Variants in NCAM2 observed in about 807,000 individuals in gnomAD.
The protein encoded by NCAM2 is neural cell adhesion molecule 2.
Under a neutral mutation model 98.1 loss-of-function variants are expected in NCAM2, and 30 were observed. The ratio of observed to expected loss-of-function variants is 0.31; its 90% CI spans 0.23 to 0.41. The LOEUF (loss-of-function observed/expected upper bound fraction) is 0.41. NCAM2 is among the 10% of genes least tolerant of loss of function. The pLI, the probability that NCAM2 is intolerant of heterozygous loss-of-function variation, is 1.00. For synonymous variants in NCAM2, 368 were observed against 342.4 expected, an observed-to-expected ratio of 1.07 and a Z score of -0.83; for missense variants, 867 against 1,005.8, an observed-to-expected ratio of 0.86 and a Z score of 1.87.
chr21:21,070,152 G>T (rs901759291), intron 1 of NCAM2, among the ~76,000 whole-genome samples: 1 of 151,876 alleles, frequency 6.6e-6, no homozygotes, highest in Non-Finnish European at 1.5e-5. Context: ...AACTTATAAA[G>T]ATCAAGCTCC....
chr21:21,321,756 A>G (rs1207522076), intron 5 of NCAM2, among the ~76,000 whole-genome samples: 1 of 152,192 alleles, frequency 6.6e-6, no homozygotes, highest in Non-Finnish European at 1.5e-5. Context: ...AATCAAAACC[A>G]CAATGAGATA....
intron 8 of NCAM2, among the ~76,000 whole-genome samples, chr21:21,353,180 T>G (rs983860823): frequency 6.6e-6 from 1 of 152,206 alleles, no homozygotes; most frequent in Non-Finnish European, 1.5e-5. Context: ...AATGAATATG[T>G]TAACTCCGTT....
Position 21,445,398 on chromosome 21 carries a change from C to G in NCAM2, c.1654+13117C>G, listed in dbSNP as rs1291564964. ...AGTCCTGAATATCCTTGTTGATTTT[C>G]TGTCTTGTTGATTTGTCTAATATTG... On this transcript the variant is annotated intron_variant, in intron 12 of 17. Transcript: ENST00000400546. Among the ~76,000 whole-genome samples, 3 of 152,216 alleles carry G rather than the reference C, an allele frequency of 2.0e-5. No individual in the cohort carries two copies. The East Asian group carries it at 5.8e-4, about 29-fold the overall frequency.
intron 12 of NCAM2, among the ~76,000 whole-genome samples, chr21:21,465,088 A>G (rs545682379): frequency 7.2e-4 from 110 of 152,242 alleles, no homozygotes; most frequent in Non-Finnish European, 1.1e-3. Flanking sequence ...TGCCATTTGG[A>G]AATTTAATTT....
At chr21:21,317,639 C>T (rs558167363) in intron 5 of NCAM2, among the ~76,000 whole-genome samples, 1 of 152,134 alleles carries the variant, frequency 6.6e-6, no homozygotes, top group Admixed American at 6.5e-5. Context: ...CTCAAGCTAT[C>T]CTCCCATCTC....
chr21:21,090,570 T>C (rs1312635270), intron 1 of NCAM2, among the ~76,000 whole-genome samples: 1 of 152,202 alleles, frequency 6.6e-6, no homozygotes, highest in Non-Finnish European at 1.5e-5. Context: ...GCTGCCTGCC[T>C]TCACCACTCT....
At chr21:21,527,960 A>C (rs12626364) in intron 16 of NCAM2, among the ~76,000 whole-genome samples, 15,057 of 152,276 alleles carry the variant, frequency 0.099, 882 homozygotes, top group East Asian at 0.16. Context: ...ATCCTTCAGT[A>C]GGTAAATGAA....
At chr21:21,468,394 A>G (rs1217748857) in intron 13 of NCAM2, among the ~76,000 whole-genome samples, 1 of 152,008 alleles carries the variant, frequency 6.6e-6, no homozygotes, top group East Asian at 1.9e-4. Context: ...GCAATGCTAT[A>G]CTTTTCTCAG....
intron 12 of NCAM2, among the ~76,000 whole-genome samples, chr21:21,434,662 T>C (rs2077429563): frequency 6.6e-6 from 1 of 152,214 alleles, no homozygotes; most frequent in Non-Finnish European, 1.5e-5. Context: ...TATATTATCA[T>C]CTTCCAGTAT....
intron 1 of NCAM2, among the ~76,000 whole-genome samples, chr21:21,076,116 CAA>C (rs565676221): frequency 0.042 from 5,049 of 121,358 alleles, 266 homozygotes; most frequent in African/African-American, 0.13. Context: ...GACCCCATCT[CAA>C]AAAAAAAAAA....
At chr21:21,410,252 A>AT in intron 9 of NCAM2, 22 bp from the exon 10 acceptor site, 3 of 1,276,384 alleles carry the variant, frequency 2.4e-6, no homozygotes, top group Non-Finnish European at 3.1e-6. Flanking sequence ...GCCTATAATT[A>AT]TTTTATTATA....
intron 1 of NCAM2, among the ~76,000 whole-genome samples, chr21:21,035,844 AGACTT>A (rs2064786530): frequency 6.6e-6 from 1 of 152,196 alleles, no homozygotes; most frequent in African/African-American, 2.4e-5. Context: ...ACCTTGGACA[AGACTT>A]AAAATAACCA....
chr21:21,362,512 C>T (rs1318946496), intron 8 of NCAM2, among the ~76,000 whole-genome samples: 1 of 151,994 alleles, frequency 6.6e-6, no homozygotes. Context: ...CCCACCTCAG[C>T]CTTCTGGGTA....
intron 16 of NCAM2, among the ~76,000 whole-genome samples, chr21:21,528,886 A>G (rs1039644244): frequency 1.3e-5 from 2 of 152,148 alleles, no homozygotes; most frequent in Admixed American, 1.3e-4. Flanking sequence ...AATCTAAAAG[A>G]AATATAATTA....
chr21:21,020,289 G>A (rs2064405144), intron 1 of NCAM2, among the ~76,000 whole-genome samples: 1 of 152,088 alleles, frequency 6.6e-6, no homozygotes, highest in Admixed American at 6.6e-5. Flanking sequence ...GCCCGCCTCG[G>A]CCTCCCAAAG....
chr21:21,329,820 T>A (rs543030932), intron 6 of NCAM2, among the ~76,000 whole-genome samples: 1 of 152,254 alleles, frequency 6.6e-6, no homozygotes, highest in African/African-American at 2.4e-5. Flanking sequence ...TAAGTACAAA[T>A]TCAATAATAT....
At chr21:21,235,014 C>G (rs2408006) in intron 1 of NCAM2, among the ~76,000 whole-genome samples, 3 of 152,014 alleles carry the variant, frequency 2.0e-5, no homozygotes, top group South Asian at 4.1e-4. Context: ...AGTGAAACAT[C>G]GTAGCAAAAT....
intron 1 of NCAM2, among the ~76,000 whole-genome samples, chr21:21,161,388 T>C (rs1403542006): frequency 6.6e-6 from 1 of 152,020 alleles, no homozygotes; most frequent in Non-Finnish European, 1.5e-5. Flanking sequence ...ACGAACTGTT[T>C]ACTATATGCC....
chr21:21,349,794 T>C (rs2075285604), intron 8 of NCAM2, among the ~76,000 whole-genome samples: 1 of 152,120 alleles, frequency 6.6e-6, no homozygotes, highest in Admixed American at 6.6e-5. Flanking sequence ...GTGGAGATCA[T>C]TGTGTTAAGT....
Sources: gnomAD v4.1 joint callset for allele counts (sites outside exome capture counted in the v4.1 genomes callset) on GRCh38, gnomAD v4.1.1 for gene constraint, MANE v1.5 for transcripts, NCBI Gene and HGNC (gene_info 2026-07-23, HGNC 2026-07-21) for gene names.